The following IGSF21 variants were observed in gnomAD, a reference collection of about 807,000 sequenced individuals.
IGSF21 encodes the protein immunoglobin superfamily member 21.
In IGSF21, 28 loss-of-function variants were observed where a neutral mutation model predicts 46.8. The observed-to-expected ratio is 0.60, with a 90% confidence interval of 0.44 to 0.82. The LOEUF (loss-of-function observed/expected upper bound fraction) is 0.82, where lower values mean the gene tolerates loss of function less well. Ranked by LOEUF, IGSF21 falls within the 40% of genes least tolerant of loss-of-function variation. The pLI is 0.00. For synonymous variants in IGSF21, 284 were observed against 273.6 expected (o/e 1.04, Z -0.38); for missense variants, 624 against 665.5 (o/e 0.94, Z 0.69).
intron 2 of IGSF21, 81 bp downstream of exon 2, chr1:18,228,091 G>T: frequency 9.0e-7 from 1 of 1,110,134 alleles, no homozygotes. Flanking sequence ...CACCCTCACT[G>T]GTGTGGCTAT....
chr1:18,208,548 A>ATTTTTTTT (rs10601446), intron 1 of IGSF21, among the ~76,000 whole-genome samples: 194 of 85,742 alleles, frequency 2.3e-3, no homozygotes, highest in Non-Finnish European at 2.7e-3. Context: ...AGCCCAGCTA[A>ATTTTTTTT]TTTTTTTTTT....
chr1:18,378,156 T>C, intron 9 of IGSF21, 100 bp from the exon 10 acceptor site: 1 of 966,980 alleles, frequency 1.0e-6, no homozygotes, highest in Non-Finnish European at 1.6e-6. Context: ...TTTGTCCTGA[T>C]GCTGAAATCC....
chr1:18,333,311 G>A (rs2124604921), intron 3 of IGSF21, among the ~76,000 whole-genome samples: 1 of 152,318 alleles, frequency 6.6e-6, no homozygotes, highest in South Asian at 2.1e-4. Context: ...CATGAAGACA[G>A]ACATATTTCC....
rs971774277 is a variant in IGSF21 at position 18,377,085 on chromosome 1, A to G, written c.1294+93A>G. 16 of 1,375,888 alleles carry G rather than the reference A, an allele frequency of 1.2e-5. No homozygotes were observed. The Middle Eastern group carries it at 9.4e-4, about 81-fold the overall frequency. The allele number at this position is 1,375,888 out of a possible 1,614,324, so 85.2% of individuals were successfully genotyped here. A position where few individuals can be genotyped will look rare whatever the true frequency, so the allele number is the denominator to read the frequency against. ...CAGGAGGAAGAAGCAGTAGGGGCCC[A>G]AAATTTTGGGCCTAAATCTCCCAAA... On this transcript the variant is annotated intron_variant, in intron 8 of 9. Coordinates refer to ENST00000251296, the MANE Select transcript of IGSF21 (RefSeq NM_032880.5).
chr1:18,258,855 C>T (rs116405474), intron 2 of IGSF21, among the ~76,000 whole-genome samples: 2,737 of 152,312 alleles, frequency 0.018, 82 homozygotes, highest in African/African-American at 0.064. Flanking sequence ...CATCTCTCCC[C>T]TTCCGCCAAA....
intron 4 of IGSF21, among the ~76,000 whole-genome samples, chr1:18,341,081 TC>T (rs1301204296): frequency 0.02 from 1,620 of 79,728 alleles, 14 homozygotes; most frequent in Non-Finnish European, 0.032. Flanking sequence ...CTTCTTCTCC[TC>T]CTCCTCCTCC....
At chr1:18,342,274 A>C (rs1306522977) in intron 4 of IGSF21, among the ~76,000 whole-genome samples, 1 of 151,954 alleles carries the variant, frequency 6.6e-6, no homozygotes, top group Non-Finnish European at 1.5e-5. Flanking sequence ...TTCTAGTTTT[A>C]GTCGAGACGA....
At chr1:18,332,271 T>C (rs976428184) in intron 3 of IGSF21, among the ~76,000 whole-genome samples, 2 of 152,202 alleles carry the variant, frequency 1.3e-5, no homozygotes, top group African/African-American at 4.8e-5. Flanking sequence ...GTTATTATTA[T>C]CTTATTACCT....
At chr1:18,351,555 TG>T (rs1267526970) in intron 4 of IGSF21, among the ~76,000 whole-genome samples, 1 of 152,172 alleles carries the variant, frequency 6.6e-6, no homozygotes, top group Admixed American at 6.5e-5. Context: ...CACTGCTCTC[TG>T]GGGGGAGGAC....
At chr1:18,121,126 G>C (rs1174072058) in intron 1 of IGSF21, among the ~76,000 whole-genome samples, 3 of 152,154 alleles carry the variant, frequency 2.0e-5, no homozygotes, top group Non-Finnish European at 2.9e-5. Flanking sequence ...ATGGAAGGCA[G>C]GTACTCTCCA....
chr1:18,182,346 T>A (rs1380278011), intron 1 of IGSF21, among the ~76,000 whole-genome samples: 2 of 151,998 alleles, frequency 1.3e-5, no homozygotes, highest in African/African-American at 4.8e-5. Flanking sequence ...CCGGCTAATT[T>A]TTTTGTATTT....
rs1264023667 is a variant in IGSF21 at position 18,335,384 on chromosome 1, C to T, written c.424+374C>T. 6.6e-6 allele frequency among the ~76,000 whole-genome samples: 1 copy of T among 152,224 alleles called. No individual in the cohort carries two copies. Among genetic ancestry groups the T allele is most frequent in the African/African-American group, 2.4e-5 (1 of 41,464 alleles). ...CCTCCTGAGGCCTTAATGGAGAGGG[C>T]ATAGGATCTGGAGATGAATTAGAAA... On this transcript the variant is annotated intron_variant, in intron 4 of 9. Coordinates refer to ENST00000251296, the MANE Select transcript of IGSF21 (RefSeq NM_032880.5). This position sits in a 1 kb window ranked among gnomAD's most constrained non-coding sequence, Gnocchi z 4.8.
At position 18,290,331 on chromosome 1, in the gene IGSF21, G is replaced by A. The variant is rs185394388; in HGVS notation, c.184-1535G>A. Reference sequence around the variant, plus strand: ...AGCCCTCAGAGGGGAAGAAAGTGACGCGTGTACATGTCGCTAAGTCCCGAC... The same window carrying A: ...AGCCCTCAGAGGGGAAGAAAGTGACACGTGTACATGTCGCTAAGTCCCGAC... On this transcript the variant is annotated intron_variant, in intron 2 of 9. Transcript: ENST00000251296. The surrounding 1 kb of genome is among the most constrained non-coding windows in gnomAD (Gnocchi z 4.2). Among the ~76,000 whole-genome samples the A allele has an allele frequency of 2.5e-4, 38 of 152,284 alleles. 2 individuals are homozygous for A. The East Asian group carries it at 6.4e-3, about 26-fold the overall frequency.
At chr1:18,340,400 A>G (rs886196989) in intron 4 of IGSF21, among the ~76,000 whole-genome samples, 5 of 152,204 alleles carry the variant, frequency 3.3e-5, no homozygotes, top group Non-Finnish European at 7.3e-5. Context: ...AGAAGGTAAC[A>G]TTCAAAAGAG....
intron 6 of IGSF21, among the ~76,000 whole-genome samples, chr1:18,372,657 T>TGGATGGATGGATGGATGG (rs2086238034): frequency 6.2e-5 from 4 of 64,478 alleles, no homozygotes; most frequent in Non-Finnish European, 1.0e-4. Flanking sequence ...TGGATGGATG[T>TGGATGGATGGATGGATGG]TTGGATGGGT....
chr1:18,327,271 C>G (rs567832911), intron 3 of IGSF21, among the ~76,000 whole-genome samples: 1 of 152,260 alleles, frequency 6.6e-6, no homozygotes, highest in South Asian at 2.1e-4. Context: ...GAAGAAGGCA[C>G]TGAGCAGTGT....
chr1:18,376,862 C>T lies in IGSF21; in HGVS notation c.1164C>T (p.Gly388=), dbSNP rs776879262. 1.9e-6 allele frequency: 3 copies of T among 1,612,234 alleles called. No individual in the cohort carries two copies. In the Admixed American group the frequency reaches 5.0e-5, roughly 27 times the overall value. The change falls in exon 8 of 10, where the codon GGC becomes GGT. Residue 388 remains glycine (G), a synonymous_variant. Transcript: ENST00000251296. ...GGGTTGGGAGCCGCCTCCTGGACGG[C>T]AGCGCTGAGTTCGACGGGAAGGAGC... ...WTRVGSRLLD[G]SAEFDGKELV...
chr1:18,222,040 G>T (rs560987983), intron 1 of IGSF21, among the ~76,000 whole-genome samples: 2 of 152,202 alleles, frequency 1.3e-5, no homozygotes, highest in Non-Finnish European at 2.9e-5. Context: ...GCGCTGGGTG[G>T]CAGTGTTGCT....
intron 3 of IGSF21, among the ~76,000 whole-genome samples, chr1:18,303,900 T>C (rs574384091): frequency 2.6e-5 from 4 of 152,310 alleles, no homozygotes; most frequent in South Asian, 4.1e-4. Flanking sequence ...ACCACTGTTA[T>C]AGAACATCCT....
Sources: gnomAD v4.1 joint callset for allele counts (sites outside exome capture counted in the v4.1 genomes callset) on GRCh38, gnomAD v4.1.1 for gene constraint, Gnocchi (gnomAD v3.1) non-coding constraint, MANE v1.5 for transcripts, NCBI Gene and HGNC (gene_info 2026-07-23, HGNC 2026-07-21) for gene names.